SSBP2: variants seen among roughly 807,000 people sequenced by gnomAD.
SSBP2 encodes single stranded DNA binding protein 2.
A neutral mutation model predicts 61.8 loss-of-function variants in SSBP2; 17 were observed. The observed-to-expected ratio is 0.28, with a 90% CI of 0.19 to 0.41. The LOEUF (loss-of-function observed/expected upper bound fraction) is 0.41, where lower values mean the gene tolerates loss of function less well. SSBP2 is among the 10% of genes least tolerant of loss of function. SSBP2 has a pLI of 1.00. For synonymous variants in SSBP2, 139 were observed against 141.3 expected (o/e 0.98, Z 0.12); for missense variants, 310 against 458.7 (o/e 0.68, Z 2.96).
At chr5:81,541,871 A>G (rs530621679) in intron 4 of SSBP2, among the ~76,000 whole-genome samples, 1 of 152,382 alleles carries the variant, frequency 6.6e-6, no homozygotes, top group African/African-American at 2.4e-5. Context: ...GCAAAGAATT[A>G]CGACTAAGTC....
chr5:81,677,559 C>G (rs1346521363), intron 1 of SSBP2, among the ~76,000 whole-genome samples: 1 of 152,138 alleles, frequency 6.6e-6, no homozygotes, highest in African/African-American at 2.4e-5. Context: ...GGAGAGGCCT[C>G]CACACTTTTG....
At chr5:81,703,587 A>G (rs1484865422) in intron 1 of SSBP2, among the ~76,000 whole-genome samples, 1 of 152,196 alleles carries the variant, frequency 6.6e-6, no homozygotes, top group African/African-American at 2.4e-5. Flanking sequence ...AAAGAAAAAA[A>G]AGAAAAAAGT....
At chr5:81,557,166 A>G (rs1772672175) in intron 4 of SSBP2, among the ~76,000 whole-genome samples, 1 of 152,162 alleles carries the variant, frequency 6.6e-6, no homozygotes, top group Non-Finnish European at 1.5e-5. Context: ...ATGTTGTTCC[A>G]CTGTCTTCTC....
intron 5 of SSBP2, among the ~76,000 whole-genome samples, chr5:81,510,692 C>A (rs566473613): frequency 1.3e-5 from 2 of 151,468 alleles, no homozygotes; most frequent in Non-Finnish European, 2.9e-5. Flanking sequence ...ACCCAGAAGG[C>A]GGAGGTTGCG....
intron 1 of SSBP2, among the ~76,000 whole-genome samples, chr5:81,651,594 T>C (rs1446550787): frequency 1.3e-5 from 2 of 152,176 alleles, no homozygotes; most frequent in Non-Finnish European, 2.9e-5. Context: ...CATATTCAAA[T>C]TGAATGACAC....
chr5:81,616,906 G>A (rs893632449), intron 3 of SSBP2, among the ~76,000 whole-genome samples: 1 of 150,198 alleles, frequency 6.7e-6, no homozygotes. Flanking sequence ...CTGTTAGAAG[G>A]AAAACTAACA....
At chr5:81,694,070 A>G (rs1753416842) in intron 1 of SSBP2, among the ~76,000 whole-genome samples, 1 of 152,244 alleles carries the variant, frequency 6.6e-6, no homozygotes, top group Admixed American at 6.5e-5. Context: ...GAAATAAGCC[A>G]GGCACAGAAA....
At chr5:81,480,897 G>A (rs1197221589) in intron 6 of SSBP2, among the ~76,000 whole-genome samples, 1 of 152,146 alleles carries the variant, frequency 6.6e-6, no homozygotes, top group Non-Finnish European at 1.5e-5. Flanking sequence ...TAAATCCTTT[G>A]TTGTCATTTC....
intron 14 of SSBP2, 23 bp from the exon 15 acceptor site, chr5:81,437,481 A>T: frequency 6.3e-7 from 1 of 1,593,072 alleles, no homozygotes; most frequent in Non-Finnish European, 8.6e-7. Flanking sequence ...ATAAAAAGAA[A>T]GCCTTTATTA....
chr5:81,438,348 C>CAA (rs11303330), intron 14 of SSBP2, among the ~76,000 whole-genome samples: 5 of 104,784 alleles, frequency 4.8e-5, no homozygotes, highest in Admixed American at 2.9e-4. Flanking sequence ...GAGACTGTCT[C>CAA]AAAAAAAAAA....
intron 1 of SSBP2, among the ~76,000 whole-genome samples, chr5:81,660,897 T>A (rs1292864262): frequency 1.3e-5 from 2 of 150,988 alleles, no homozygotes; most frequent in African/African-American, 4.9e-5. Context: ...CTCAGCAAAC[T>A]AGCACAGGAA....
intron 4 of SSBP2, among the ~76,000 whole-genome samples, chr5:81,521,492 T>A (rs997845819): frequency 1.4e-5 from 2 of 146,586 alleles, no homozygotes; most frequent in African/African-American, 5.3e-5. Flanking sequence ...TCCTTATATA[T>A]AGGAAAGTGT....
In SSBP2 at chr5:81,469,577, A is replaced by G. The variant is rs567262536; in HGVS notation, c.571-2536T>C. On this transcript the variant is annotated intron_variant, in intron 8 of 16. Transcript: ENST00000320672. ...GTGTATCTATACTTCCTGCTAAATA[A>G]TAAGTACCTTGAAGGCAGCATATCT... 2.6e-5 allele frequency among the ~76,000 whole-genome samples: 4 copies of G among 152,036 alleles called. No homozygotes were observed. In the East Asian group the frequency reaches 7.7e-4, roughly 29 times the overall value.
At chr5:81,615,445 A>C in intron 4 of SSBP2, 28 bp downstream of exon 4, 1 of 1,544,722 alleles carries the variant, frequency 6.5e-7, no homozygotes, top group Non-Finnish European at 8.9e-7. Flanking sequence ...CTGACAGTGT[A>C]ACTTTGTAAA....
chr5:81,458,338 A>G (rs1764307955), intron 10 of SSBP2, among the ~76,000 whole-genome samples: 1 of 152,224 alleles, frequency 6.6e-6, no homozygotes, highest in Non-Finnish European at 1.5e-5. Flanking sequence ...TAAAAAAATT[A>G]TGTGTTAGTT....
chr5:81,485,383 TATACAAAGA>T (rs1766307117), intron 6 of SSBP2, among the ~76,000 whole-genome samples: 2 of 152,180 alleles, frequency 1.3e-5, no homozygotes, highest in African/African-American at 4.8e-5. Flanking sequence ...GTGCTATACA[TATACAAAGA>T]ATATACACCC....
chr5:81,589,485 A>AT (rs907424960), intron 4 of SSBP2, among the ~76,000 whole-genome samples: 2 of 152,214 alleles, frequency 1.3e-5, no homozygotes, highest in Non-Finnish European at 2.9e-5. Flanking sequence ...CAGTGAAAAT[A>AT]TTTTTTTAAA....
chr5:81,515,702 CA>C (rs1214254613), intron 4 of SSBP2, among the ~76,000 whole-genome samples: 2 of 151,050 alleles, frequency 1.3e-5, no homozygotes, highest in African/African-American at 2.4e-5. Flanking sequence ...TCTTTTTTAG[CA>C]GGCTACATTG....
intron 1 of SSBP2, among the ~76,000 whole-genome samples, chr5:81,717,854 C>T (rs1028273350): frequency 1.3e-5 from 2 of 152,082 alleles, no homozygotes; most frequent in African/African-American, 4.8e-5. Flanking sequence ...AGACATAAAA[C>T]CTGCACCTAA....
Sources: gnomAD v4.1 joint callset for allele counts (sites outside exome capture counted in the v4.1 genomes callset) on GRCh38, gnomAD v4.1.1 for gene constraint, MANE v1.5 for transcripts, NCBI Gene and HGNC (gene_info 2026-07-23, HGNC 2026-07-21) for gene names.